Variants in FRY observed in about 807,000 individuals in gnomAD.
FRY encodes FRY microtubule binding protein, also known as protein furry homolog.
Under a neutral mutation model 348.4 loss-of-function variants are expected in FRY, and 128 were observed. The ratio of observed to expected loss-of-function variants is 0.37; its 90% CI spans 0.32 to 0.43. The LOEUF (loss-of-function observed/expected upper bound fraction) is 0.43. Among genes scored for constraint, FRY ranks in the 20% least tolerant of loss-of-function variants. The pLI is 1.00. For synonymous variants in FRY, 1,370 were observed against 1,374.7 expected (o/e 1.00, Z 0.08); for missense variants, 2,736 against 3,695.2 (o/e 0.74, Z 6.73).
At chr13:32,196,596 G>A (rs572907031) in intron 29 of FRY, among the ~76,000 whole-genome samples, 16 of 152,100 alleles carry the variant, frequency 1.1e-4, no homozygotes, top group African/African-American at 3.9e-4. Flanking sequence ...GTGTGTGTGT[G>A]CATGTGTTGT....
intron 58 of FRY, among the ~76,000 whole-genome samples, chr13:32,282,076 G>C (rs1345474970): frequency 6.6e-6 from 1 of 152,212 alleles, no homozygotes; most frequent in South Asian, 2.1e-4. Context: ...GAGGAGGAAT[G>C]ATGGTGTCAT....
chr13:32,042,755 G>A (rs781591725), intron 1 of FRY, among the ~76,000 whole-genome samples: 43 of 152,188 alleles, frequency 2.8e-4, no homozygotes, highest in Non-Finnish European at 5.0e-4. Context: ...TCTCTGATAG[G>A]AACTGGGTCA....
At chr13:32,184,758 T>G in intron 25 of FRY, 67 bp downstream of exon 25, 1 of 1,070,660 alleles carries the variant, frequency 9.3e-7, no homozygotes, top group Non-Finnish European at 1.5e-6. Context: ...TCTTTCTGTC[T>G]CTCTCTTTTG....
At chr13:32,281,156 C>T (rs369387898) in intron 58 of FRY, among the ~76,000 whole-genome samples, 4 of 152,154 alleles carry the variant, frequency 2.6e-5, no homozygotes, top group East Asian at 3.9e-4. Flanking sequence ...GATGTGACAA[C>T]TCTGTTAGCA....
In FRY at chr13:32,231,242, T is replaced by C; in HGVS notation, c.5469T>C (p.Ala1823=). 3 of 1,613,102 alleles carry C rather than the reference T, an allele frequency of 1.9e-6. No homozygotes were observed. The highest frequency in any genetic ancestry group is 2.5e-6 in the Non-Finnish European group (3 of 1,179,030). Reference sequence around the variant, plus strand: ...CTAAAAATCAAAATTCAAAGAGTGCTGAACAGCTCACTAATTTTCTACGTC... The same window carrying C: ...CTAAAAATCAAAATTCAAAGAGTGCCGAACAGCTCACTAATTTTCTACGTC... ...ITPKNQNSKS[A]EQLTNFLRHV... Residue 1823 remains alanine (A), a synonymous_variant, in exon 41 of 61, where the codon GCT becomes GCC. Transcript: ENST00000542859.
intron 36 of FRY, among the ~76,000 whole-genome samples, chr13:32,221,491 T>G (rs1177191615): frequency 1.3e-5 from 2 of 152,164 alleles, no homozygotes; most frequent in Non-Finnish European, 2.9e-5. Context: ...ACATGGAAAG[T>G]GTTGCTGTAC....
intron 49 of FRY, 68 bp from the exon 50 acceptor site, chr13:32,251,810 G>C (rs1887098236): frequency 1.0e-6 from 1 of 953,750 alleles, no homozygotes; most frequent in Admixed American, 1.7e-5. Context: ...ATGGCTAGTG[G>C]CTAGAAAATT....
intron 35 of FRY, among the ~76,000 whole-genome samples, chr13:32,213,221 G>A (rs1369921670): frequency 6.6e-6 from 1 of 152,176 alleles, no homozygotes; most frequent in Non-Finnish European, 1.5e-5. Context: ...AGCCCACAGT[G>A]CTTCCTGAGC....
intron 11 of FRY, 23 bp downstream of exon 11, chr13:32,136,995 A>G (rs780898143): frequency 7.6e-7 from 1 of 1,319,910 alleles, no homozygotes; most frequent in Non-Finnish European, 1.1e-6. Context: ...CAGCTCAAAA[A>G]CGATCTCTTT....
intron 4 of FRY, among the ~76,000 whole-genome samples, chr13:32,119,736 T>C (rs1878532245): frequency 6.6e-6 from 1 of 152,174 alleles, no homozygotes; most frequent in Admixed American, 6.5e-5. Flanking sequence ...AGATTTTCCT[T>C]TCCCCCAGCT....
At chr13:32,200,300 A>G (rs1179845932) in intron 29 of FRY, among the ~76,000 whole-genome samples, 1 of 152,266 alleles carries the variant, frequency 6.6e-6, no homozygotes. Context: ...GTAATTATGT[A>G]GAATCAAAAA....
chr13:32,138,719 T>G (rs751952285), intron 11 of FRY, among the ~76,000 whole-genome samples: 1 of 152,164 alleles, frequency 6.6e-6, no homozygotes, highest in Non-Finnish European at 1.5e-5. Flanking sequence ...CAGGGACTTA[T>G]GTAGTGTCCA....
At chr13:32,219,017 C>T (rs1019962146) in intron 36 of FRY, among the ~76,000 whole-genome samples, 186 bp downstream of exon 36, 1 of 151,076 alleles carries the variant, frequency 6.6e-6, no homozygotes, top group African/African-American at 2.4e-5. Context: ...AAGAAAAAAC[C>T]ATGGACAAAT....
chr13:32,275,639 C>T (rs917448658), intron 56 of FRY, among the ~76,000 whole-genome samples: 1 of 152,178 alleles, frequency 6.6e-6, no homozygotes, highest in African/African-American at 2.4e-5. Flanking sequence ...AGCCGGTGCC[C>T]ATGATGCCAG....
At chr13:32,065,390 C>CTT (rs1456290394) in intron 1 of FRY, among the ~76,000 whole-genome samples, 3 of 146,194 alleles carry the variant, frequency 2.1e-5, no homozygotes, top group South Asian at 2.2e-4. Context: ...ACTGAGACCT[C>CTT]CACCTCCCGG....
At chr13:32,095,545 A>G (rs1256279894) in intron 2 of FRY, among the ~76,000 whole-genome samples, 1 of 151,820 alleles carries the variant, frequency 6.6e-6, no homozygotes, top group Non-Finnish European at 1.5e-5. Context: ...GGATTTCACC[A>G]TGTTGGTCAG....
rs753801256 is a variant in FRY, at chr13:32,265,469, A to G, written c.7799A>G (p.Glu2600Gly). 2.5e-6 allele frequency: 4 copies of G among 1,614,148 alleles called. No individual in the cohort carries two copies. In the Admixed American group the frequency reaches 6.7e-5, roughly 27 times the overall value. The change falls in exon 54 of 61, where the codon GAG (glutamate) becomes GGG (glycine). Residue 2600 changes from glutamate to glycine, a missense_variant. This residue lies in a region of FRY where 789 missense variants were observed against 996.2 expected (regional missense o/e 0.79). Transcript: ENST00000542859. ...TTCCAGGCTGAAGCTGTTCGTGAGG[A>G]GGAGGACACCACCGTGCATGAGGAT... ...EGSKAEAVREEEDTTVHEDDL... is the reference protein window; with the variant it reads ...EGSKAEAVREGEDTTVHEDDL...
chr13:32,249,754 T>C, intron 49 of FRY, 67 bp downstream of exon 49: 3 of 1,381,596 alleles, frequency 2.2e-6, no homozygotes, highest in Non-Finnish European at 3.1e-6. Context: ...TGTGGCTGGG[T>C]CATAAGGGAT....
At chr13:32,070,980 A>G (rs1006783846) in intron 1 of FRY, among the ~76,000 whole-genome samples, 8 of 152,166 alleles carry the variant, frequency 5.3e-5, no homozygotes, top group African/African-American at 1.9e-4. Context: ...TCCTTTCCCC[A>G]TTTCTTGTTT....
Sources: gnomAD v4.1 joint callset for allele counts (sites outside exome capture counted in the v4.1 genomes callset) on GRCh38, gnomAD v4.1.1 for gene constraint, gnomAD v4.1.1 regional missense constraint, MANE v1.5 for transcripts, NCBI Gene and HGNC (gene_info 2026-07-23, HGNC 2026-07-21) for gene names.